Variants in ULK4 observed in about 807,000 individuals in gnomAD.
ULK4 encodes the protein inactive serine/threonine-protein kinase ULK4.
ULK4 carries 133 observed loss-of-function variants against 160.6 expected under a neutral mutation model. That is an observed-to-expected ratio of 0.83 (90% CI 0.72 to 0.96). The LOEUF is 0.96. Ranked by LOEUF, ULK4 falls within the 40% of genes least tolerant of loss-of-function variation. The pLI is 0.00. For missense variants in ULK4, 1,580 were observed against 1,499.5 expected (o/e 1.05, Z -0.89); for synonymous variants, 534 against 539.8 (o/e 0.99, Z 0.15).
At chr3:41,734,407 A>G (rs569695015) in intron 22 of ULK4, among the ~76,000 whole-genome samples, 2 of 152,338 alleles carry the variant, frequency 1.3e-5, no homozygotes, top group African/African-American at 4.8e-5. Flanking sequence ...GTTAGAAAGC[A>G]TATTTGATTT....
intron 10 of ULK4, 29 bp from the exon 11 acceptor site, chr3:41,911,415 G>A (rs781579577): frequency 2.4e-5 from 38 of 1,611,696 alleles, no homozygotes; most frequent in Non-Finnish European, 2.9e-5. Flanking sequence ...ATGTTATCCA[G>A]AAAAGAACAA....
In ULK4 at chr3:41,819,417, C is replaced by T. The variant is rs766463165; in HGVS notation, c.1848+6G>A. 1 of 1,613,540 alleles carries T rather than the reference C, an allele frequency of 6.2e-7. No individual in the cohort carries two copies. The highest frequency in any genetic ancestry group is 1.3e-5 in the African/African-American group (1 of 74,982). On this transcript the variant is annotated splice_donor_region_variant and intron_variant, in intron 19 of 36. Coordinates refer to ENST00000301831, the MANE Select transcript of ULK4 (RefSeq NM_017886.4). The stretch of plus-strand genomic sequence containing the variant: ...GCATCTACAGAGGACAACAAAGGAG[C>T]CTTACCCCTTCCCGAAGGCACCTCA...
intron 2 of ULK4, among the ~76,000 whole-genome samples, chr3:41,950,916 G>A (rs6599192): frequency 0.69 from 103,654 of 151,262 alleles, 38,988 homozygotes; most frequent in East Asian, 0.83. Flanking sequence ...AGGCCGAAGC[G>A]GGCAGATCAC....
chr3:41,689,148 C>T (rs184289486), intron 27 of ULK4, among the ~76,000 whole-genome samples: 1 of 152,330 alleles, frequency 6.6e-6, no homozygotes, highest in East Asian at 1.9e-4. Flanking sequence ...TTCCTTCTCC[C>T]ACTCCCCTCC....
intron 35 of ULK4, among the ~76,000 whole-genome samples, chr3:41,369,704 G>C (rs998639246): frequency 1.3e-5 from 2 of 150,390 alleles, no homozygotes; most frequent in African/African-American, 4.9e-5. Flanking sequence ...TGAGGAATGA[G>C]AATCCCTTGA....
At position 41,696,027 on chromosome 3, in the gene ULK4, G is replaced by A. The variant is rs150411657; in HGVS notation, c.2781+9030C>T. Among the ~76,000 whole-genome samples, 539 of 152,286 alleles carry A rather than the reference G, an allele frequency of 3.5e-3. 2 individuals carry two copies. Among genetic ancestry groups the A allele is most frequent in the African/African-American group, 0.012 (508 of 41,552 alleles). The stretch of plus-strand genomic sequence containing the variant: ...AACGCCAGTGTCTGGGAAGACGCCC[G>A]CTGCCAAGCGGACCGTGGTCTAGCA... On this transcript the variant is annotated intron_variant, in intron 27 of 36. Transcript: ENST00000301831.
At chr3:41,401,348 T>C (rs957898619) in intron 34 of ULK4, among the ~76,000 whole-genome samples, 1 of 152,194 alleles carries the variant, frequency 6.6e-6, no homozygotes, top group Non-Finnish European at 1.5e-5. Flanking sequence ...TGTTGTTTTG[T>C]TTTGCCACTG....
chr3:41,328,705 A>G (rs909523211), intron 35 of ULK4, among the ~76,000 whole-genome samples: 1 of 152,100 alleles, frequency 6.6e-6, no homozygotes, highest in Non-Finnish European at 1.5e-5. Flanking sequence ...GAAAGTGGAC[A>G]ATCCCTTACA....
In ULK4 at chr3:41,482,014, C is replaced by T. The variant is rs117700061; in HGVS notation, c.3227-18761G>A. On this transcript the variant is annotated intron_variant, in intron 32 of 36. Coordinates refer to ENST00000301831, the MANE Select transcript of ULK4 (RefSeq NM_017886.4). ...ACAAGCATTGTACCTAGGGTGGGTGCGTTCCTCCTCTTACTTTTGGGAATG... is the reference window on the plus strand; with the variant it reads ...ACAAGCATTGTACCTAGGGTGGGTGTGTTCCTCCTCTTACTTTTGGGAATG... 4.5e-4 allele frequency among the ~76,000 whole-genome samples: 68 copies of T among 152,062 alleles called. No homozygotes were observed. In the East Asian group the frequency reaches 0.011, roughly 25 times the overall value.
At chr3:41,439,620 T>C (rs1485677000) in intron 34 of ULK4, among the ~76,000 whole-genome samples, 1 of 152,240 alleles carries the variant, frequency 6.6e-6, no homozygotes, top group Non-Finnish European at 1.5e-5. Flanking sequence ...CTCACTATTT[T>C]GATTACAGTA....
chr3:41,892,734 C>A (rs151190653), intron 16 of ULK4, among the ~76,000 whole-genome samples: 2 of 152,334 alleles, frequency 1.3e-5, no homozygotes, highest in East Asian at 1.9e-4. Flanking sequence ...TATCAAGGAA[C>A]TGAAACTTAC....
intron 17 of ULK4, among the ~76,000 whole-genome samples, chr3:41,876,070 A>G (rs1378168209): frequency 6.6e-6 from 1 of 152,206 alleles, no homozygotes; most frequent in African/African-American, 2.4e-5. Flanking sequence ...GCAATACCAA[A>G]AAAAGCAAGC....
intron 32 of ULK4, among the ~76,000 whole-genome samples, chr3:41,551,588 T>C (rs533897588): frequency 6.6e-6 from 1 of 151,882 alleles, no homozygotes; most frequent in South Asian, 2.1e-4. Flanking sequence ...AAAACCTAAA[T>C]AGACCAATAA....
chr3:41,709,364 T>G (rs575998216), intron 25 of ULK4, among the ~76,000 whole-genome samples: 1 of 152,048 alleles, frequency 6.6e-6, no homozygotes, highest in African/African-American at 2.4e-5. Context: ...ATAAACAAAA[T>G]GGACTTTAAA....
At chr3:41,286,426 T>C (rs951351067) in intron 35 of ULK4, among the ~76,000 whole-genome samples, 1 of 151,948 alleles carries the variant, frequency 6.6e-6, no homozygotes, top group East Asian at 1.9e-4. Flanking sequence ...CTAAGACGGA[T>C]ATGACAAGCC....
intron 35 of ULK4, among the ~76,000 whole-genome samples, chr3:41,381,326 C>T (rs187953968): frequency 2.6e-5 from 4 of 152,364 alleles, no homozygotes; most frequent in Admixed American, 2.6e-4. Context: ...CCGGAATCCA[C>T]ATTCAAGCAT....
intron 35 of ULK4, among the ~76,000 whole-genome samples, chr3:41,271,608 G>A (rs4973931): frequency 6.6e-6 from 1 of 151,846 alleles, no homozygotes; most frequent in East Asian, 1.9e-4. Flanking sequence ...TGGCCAGGCT[G>A]GTCTCAAACT....
chr3:41,742,954 TAG>T (rs2038291260), intron 22 of ULK4, among the ~76,000 whole-genome samples: 1 of 151,132 alleles, frequency 6.6e-6, no homozygotes, highest in African/African-American at 2.4e-5. Context: ...AGAAAAAAAA[TAG>T]AGTCTCAGGG....
chr3:41,873,220 CTTTCT>C (rs1311688185), intron 17 of ULK4, among the ~76,000 whole-genome samples: 3 of 112,712 alleles, frequency 2.7e-5, no homozygotes, highest in Non-Finnish European at 5.1e-5. Context: ...AATGAGTTGC[CTTTCT>C]TTTTTTTTTT....
Sources: allele counts gnomAD v4.1 joint callset (sites outside exome capture counted in the v4.1 genomes callset), GRCh38; gene constraint gnomAD v4.1.1; transcripts MANE v1.5; gene names NCBI Gene and HGNC (gene_info 2026-07-23, HGNC 2026-07-21).